ZFAND3: variants seen among roughly 807,000 people sequenced by gnomAD.
ZFAND3 encodes zinc finger AN1-type containing 3, also known as AN1-type zinc finger protein 3.
In ZFAND3, 10 loss-of-function variants were observed where a neutral mutation model predicts 29.6. That is an observed-to-expected ratio of 0.34 (90% CI 0.21 to 0.57). The LOEUF is 0.57. ZFAND3 is among the 20% of genes least tolerant of loss of function. The probability of loss-of-function intolerance (pLI) is 0.86; values close to 1 mark genes in which losing one functional copy is unlikely to be tolerated. For missense variants in ZFAND3, 230 were observed against 304.5 expected (o/e 0.76, Z 1.82); for synonymous variants, 128 against 112.6 (o/e 1.14, Z -0.87).
intron 2 of ZFAND3, among the ~76,000 whole-genome samples, chr6:38,012,711 G>C (rs1271786792): frequency 1.3e-5 from 2 of 152,118 alleles, no homozygotes; most frequent in African/African-American, 2.4e-5. Flanking sequence ...GATGAGGTGT[G>C]CAGGTCCAGA....
At chr6:38,075,197 C>G (rs1177135568) in intron 3 of ZFAND3, among the ~76,000 whole-genome samples, 2 of 152,106 alleles carry the variant, frequency 1.3e-5, no homozygotes, top group African/African-American at 4.8e-5. Context: ...CTATAGCTGC[C>G]ATAGATACTG....
rs79835697 is a variant in ZFAND3, at chr6:37,839,175, T to C, written c.71+19159T>C. ...AGTTGTATGCCTTTTTACTTGTAAGTTGTAAAATTTCTTTTTTTTTTTTGA... is the reference window on the plus strand; with the variant it reads ...AGTTGTATGCCTTTTTACTTGTAAGCTGTAAAATTTCTTTTTTTTTTTTGA... On this transcript the variant is annotated intron_variant, in intron 1 of 5. Transcript: ENST00000287218. Among the ~76,000 whole-genome samples, 762 of 141,372 alleles carry C rather than the reference T, an allele frequency of 5.4e-3. 10 individuals carry two copies. Among genetic ancestry groups the C allele is most frequent in the Non-Finnish European group, 5.6e-3 (367 of 65,036 alleles). The allele number at this position is 141,372 out of a possible 152,430, so 92.7% of individuals were successfully genotyped here. A position where few individuals can be genotyped will look rare whatever the true frequency, so the allele number is the denominator to read the frequency against.
chr6:37,871,851 A>G (rs1764700713), intron 1 of ZFAND3, among the ~76,000 whole-genome samples: 1 of 152,180 alleles, frequency 6.6e-6, no homozygotes, highest in South Asian at 2.1e-4. Flanking sequence ...TCCAAATAAT[A>G]TTAATTTTTG....
At chr6:37,853,415 A>G (rs75347862) in intron 1 of ZFAND3, among the ~76,000 whole-genome samples, 6 of 150,094 alleles carry the variant, frequency 4.0e-5, no homozygotes, top group Non-Finnish European at 7.4e-5. Flanking sequence ...GCCTCAAGAA[A>G]AAAAAAAAAA....
chr6:37,902,010 T>TA (rs1269270440), intron 1 of ZFAND3, among the ~76,000 whole-genome samples: 21 of 152,248 alleles, frequency 1.4e-4, no homozygotes, highest in African/African-American at 4.8e-4. Flanking sequence ...AATATTCTGT[T>TA]AGTTTGTTGA....
chr6:38,119,351 C>T (rs1765484507), intron 5 of ZFAND3, among the ~76,000 whole-genome samples: 1 of 152,310 alleles, frequency 6.6e-6, no homozygotes, highest in African/African-American at 2.4e-5. Context: ...CAGTAATTTA[C>T]TACTGAAAGT....
chr6:38,026,680 C>T (rs1280285393), intron 2 of ZFAND3, among the ~76,000 whole-genome samples: 1 of 152,014 alleles, frequency 6.6e-6, no homozygotes, highest in Non-Finnish European at 1.5e-5. Flanking sequence ...GTCCGCCCAC[C>T]TTGGCCTCCC....
intron 1 of ZFAND3, among the ~76,000 whole-genome samples, chr6:37,917,167 T>C (rs749153592): frequency 1.8e-4 from 28 of 152,240 alleles, no homozygotes; most frequent in Admixed American, 1.2e-3. Context: ...GTACTATCCA[T>C]GATTTCAGGC....
At chr6:38,039,616 A>G (rs1763722348) in intron 2 of ZFAND3, among the ~76,000 whole-genome samples, 1 of 152,194 alleles carries the variant, frequency 6.6e-6, no homozygotes, top group Non-Finnish European at 1.5e-5. Context: ...ATAGTGTAAG[A>G]CATGCAGTAC....
At chr6:37,963,370 C>T (rs1344016432) in intron 2 of ZFAND3, among the ~76,000 whole-genome samples, 2 of 152,186 alleles carry the variant, frequency 1.3e-5, no homozygotes, top group Non-Finnish European at 2.9e-5. Context: ...AAGTTCATAG[C>T]TATTAGTGCC....
At chr6:37,872,825 C>T (rs748431637) in intron 1 of ZFAND3, among the ~76,000 whole-genome samples, 4 of 152,234 alleles carry the variant, frequency 2.6e-5, no homozygotes, top group Non-Finnish European at 4.4e-5. Flanking sequence ...CCACAAAGTA[C>T]TGCTTAAACA....
chr6:38,072,095 A>G lies in ZFAND3; in HGVS notation c.296-10297A>G, dbSNP rs187505172. ...ATTTGGATGCTTTGTGGTGGTAACAATTCATCTCAGACTTTTGGAATAATG... is the reference window on the plus strand; with the variant it reads ...ATTTGGATGCTTTGTGGTGGTAACAGTTCATCTCAGACTTTTGGAATAATG... On this transcript the variant is annotated intron_variant, in intron 3 of 5. Coordinates refer to ENST00000287218, the MANE Select transcript of ZFAND3 (RefSeq NM_021943.3). 1.7e-3 allele frequency among the ~76,000 whole-genome samples: 257 copies of G among 152,162 alleles called. 2 individuals carry two copies. Among genetic ancestry groups the G allele is most frequent in the Non-Finnish European group, 2.7e-3 (184 of 67,972 alleles).
Position 38,153,038 on chromosome 6 carries a change from C to T in ZFAND3, c.*649C>T, listed in dbSNP as rs1277385550. ...CATCACACAAGAAGAGAAACAGTAA[C>T]CTCACTTTGAAAATTAGCTCCACTC... On this transcript the variant is annotated 3_prime_UTR_variant, in exon 6 of 6. Coordinates refer to ENST00000287218, the MANE Select transcript of ZFAND3 (RefSeq NM_021943.3). The T allele has an allele frequency of 4.1e-6, 4 of 985,662 alleles. No homozygotes were observed. Among genetic ancestry groups the T allele is most frequent in the Non-Finnish European group, 4.8e-6 (4 of 829,952 alleles). 61.1% of individuals were successfully genotyped at this position (985,662 alleles called of 1,614,324 possible). A position where few individuals can be genotyped will look rare whatever the true frequency, so the allele number is the denominator to read the frequency against.
At chr6:37,925,717 A>AG (rs1761472583) in intron 1 of ZFAND3, among the ~76,000 whole-genome samples, 1 of 151,866 alleles carries the variant, frequency 6.6e-6, no homozygotes. Flanking sequence ...AAAAAAAAAA[A>AG]AAGGTTTCTA....
At chr6:37,946,595 G>A (rs886959033) in intron 2 of ZFAND3, among the ~76,000 whole-genome samples, 4 of 152,050 alleles carry the variant, frequency 2.6e-5, no homozygotes, top group Non-Finnish European at 5.9e-5. Flanking sequence ...CCTGATCAGG[G>A]TTGGGGGAGA....
At chr6:38,006,644 T>C (rs1388390651) in intron 2 of ZFAND3, among the ~76,000 whole-genome samples, 1 of 137,088 alleles carries the variant, frequency 7.3e-6, no homozygotes, top group East Asian at 2.1e-4. Context: ...CCTACGGAGG[T>C]GAGGAAGAGG....
chr6:38,020,655 C>G (rs959204487), intron 2 of ZFAND3, among the ~76,000 whole-genome samples: 4 of 152,154 alleles, frequency 2.6e-5, no homozygotes, highest in African/African-American at 9.6e-5. Flanking sequence ...CTTATTTTGC[C>G]TCTCTCCCCA....
chr6:38,152,217 C>T lies in ZFAND3; in HGVS notation c.530-18C>T, dbSNP rs1766242762. The T allele has an allele frequency of 6.7e-7, 1 of 1,494,110 alleles. No homozygotes were observed. Among genetic ancestry groups the T allele is most frequent in the South Asian group, 1.4e-5 (1 of 72,420 alleles). 92.6% of individuals were successfully genotyped at this position (1,494,110 alleles called of 1,614,324 possible). A position where few individuals can be genotyped will look rare whatever the true frequency, so the allele number is the denominator to read the frequency against. On this transcript the variant is annotated intron_variant, in intron 5 of 5. Coordinates refer to ENST00000287218, the MANE Select transcript of ZFAND3 (RefSeq NM_021943.3). ...CCACCCTAACACACTCTTTCCTCTG[C>T]TTCTCCCGCTGCTGCAGGTTATGTG...
intron 1 of ZFAND3, among the ~76,000 whole-genome samples, chr6:37,927,430 C>A (rs903776399): frequency 1.3e-5 from 2 of 152,116 alleles, no homozygotes; most frequent in Admixed American, 6.5e-5. Context: ...GAATTCTGGC[C>A]CCTTCAGAGA....
Sources: allele counts gnomAD v4.1 joint callset (sites outside exome capture counted in the v4.1 genomes callset), GRCh38; gene constraint gnomAD v4.1.1; transcripts MANE v1.5; gene names NCBI Gene and HGNC (gene_info 2026-07-23, HGNC 2026-07-21).